Variants in GALNTL6 observed in about 807,000 individuals in gnomAD.
GALNTL6 encodes the protein polypeptide N-acetylgalactosaminyltransferase like 6.
Under a neutral mutation model 73.7 loss-of-function variants are expected in GALNTL6, and 46 were observed. The ratio of observed to expected loss-of-function variants is 0.62; its 90% confidence interval spans 0.49 to 0.80. GALNTL6 has a LOEUF of 0.80. GALNTL6 is among the 30% of genes least tolerant of loss of function. The probability of loss-of-function intolerance (pLI) is 0.00; values close to 1 mark genes in which losing one functional copy is unlikely to be tolerated. For synonymous variants in GALNTL6, 259 were observed against 263.7 expected, an observed-to-expected ratio of 0.98 and a Z score of 0.17; for missense variants, 604 against 755.0, an observed-to-expected ratio of 0.80 and a Z score of 2.34.
rs114057487 is a variant in GALNTL6, at chr4:172,947,530, C to A, written c.1150-4507C>A. On this transcript the variant is annotated intron_variant, in intron 9 of 12. Coordinates refer to ENST00000506823, the MANE Select transcript of GALNTL6 (RefSeq NM_001034845.3). ...CTGATAGTTCAAGAGTAAATGATTA[C>A]ATGTATAGATCTCCCGGCATTCATG... Among the ~76,000 whole-genome samples, 1,034 of 152,240 alleles carry A rather than the reference C, an allele frequency of 6.8e-3. 8 individuals are homozygous for A. Among genetic ancestry groups the A allele is most frequent in the African/African-American group, 0.024 (981 of 41,538 alleles).
chr4:172,871,164 A>G (rs1446297297), intron 7 of GALNTL6, among the ~76,000 whole-genome samples: 1 of 152,186 alleles, frequency 6.6e-6, no homozygotes, highest in Non-Finnish European at 1.5e-5. Flanking sequence ...AAGCCATGCC[A>G]AGGGCCAGGC....
chr4:172,464,195 C>T (rs1412609105), intron 5 of GALNTL6, among the ~76,000 whole-genome samples: 3 of 152,064 alleles, frequency 2.0e-5, no homozygotes, highest in African/African-American at 7.2e-5. Context: ...GCCACTGCAC[C>T]TGGCCCTTTG....
chr4:172,824,200 A>G (rs551503844), intron 7 of GALNTL6, among the ~76,000 whole-genome samples: 17 of 152,310 alleles, frequency 1.1e-4, no homozygotes, highest in African/African-American at 4.1e-4. Flanking sequence ...CAGTATTTAT[A>G]TTTAAAGAAA....
At chr4:172,078,190 G>T (rs12649406) in intron 2 of GALNTL6, among the ~76,000 whole-genome samples, 69,993 of 151,970 alleles carry the variant, frequency 0.46, 16,602 homozygotes, top group Admixed American at 0.49. Context: ...CAGTGCAGAG[G>T]GGAAATGTGG....
intron 5 of GALNTL6, among the ~76,000 whole-genome samples, chr4:172,713,229 T>TGTGTGTGTGC (rs1268857729): frequency 1.6e-5 from 1 of 62,360 alleles, no homozygotes; most frequent in Non-Finnish European, 3.3e-5. Context: ...AAGATGTGTG[T>TGTGTGTGTGC]GTGTGTGTGT....
At chr4:171,816,623 T>C (rs1238424660) in intron 2 of GALNTL6, among the ~76,000 whole-genome samples, 1 of 151,962 alleles carries the variant, frequency 6.6e-6, no homozygotes, top group Non-Finnish European at 1.5e-5. Flanking sequence ...AGCCCCAAAA[T>C]GAATGTCAGT....
At chr4:172,754,085 C>A (rs1421251685) in intron 5 of GALNTL6, among the ~76,000 whole-genome samples, 1 of 152,160 alleles carries the variant, frequency 6.6e-6, no homozygotes, top group Non-Finnish European at 1.5e-5. Flanking sequence ...GTATAGAACT[C>A]TAACATTTCA....
chr4:172,067,159 T>C (rs576550275), intron 2 of GALNTL6, among the ~76,000 whole-genome samples: 21 of 151,938 alleles, frequency 1.4e-4, no homozygotes, highest in Non-Finnish European at 2.4e-4. Context: ...ACATTCTAGA[T>C]CTTTTCATCT....
At chr4:172,448,028 T>C (rs1458604210) in intron 5 of GALNTL6, among the ~76,000 whole-genome samples, 1 of 152,154 alleles carries the variant, frequency 6.6e-6, no homozygotes, top group Non-Finnish European at 1.5e-5. Context: ...AGTTGACTTA[T>C]TTTTTTAATG....
intron 2 of GALNTL6, among the ~76,000 whole-genome samples, chr4:171,971,232 C>T (rs573704338): frequency 1.3e-5 from 2 of 152,268 alleles, no homozygotes; most frequent in Admixed American, 1.3e-4. Flanking sequence ...ATTCCCGATC[C>T]TCCCACTCCC....
chr4:172,060,451 CTA>C (rs894675033), intron 2 of GALNTL6, among the ~76,000 whole-genome samples: 2 of 152,062 alleles, frequency 1.3e-5, no homozygotes, highest in Non-Finnish European at 2.9e-5. Flanking sequence ...TCCTGTTTCT[CTA>C]TTTTTACATA....
chr4:172,481,243 CCCGAGTTGTTCATTCCTCCCGGT>C (rs1733454568), intron 5 of GALNTL6, among the ~76,000 whole-genome samples: 1 of 150,648 alleles, frequency 6.6e-6, no homozygotes, highest in Non-Finnish European at 1.5e-5. Flanking sequence ...TTCCTCCCGA[CCCGAGTTGTTCATTCCTCCCGGT>C]GGGTTTGTGG....
At chr4:171,912,950 T>C (rs916686214) in intron 2 of GALNTL6, among the ~76,000 whole-genome samples, 6 of 152,220 alleles carry the variant, frequency 3.9e-5, no homozygotes, top group Non-Finnish European at 8.8e-5. Context: ...CGTTCATCTA[T>C]TGATGGACGC....
intron 5 of GALNTL6, among the ~76,000 whole-genome samples, chr4:172,770,979 T>C (rs1168540772): frequency 6.6e-6 from 1 of 152,222 alleles, no homozygotes. Flanking sequence ...AATTGAACAC[T>C]ATTTTTGCTG....
At chr4:172,574,648 C>A (rs1335532387) in intron 5 of GALNTL6, among the ~76,000 whole-genome samples, 2 of 151,486 alleles carry the variant, frequency 1.3e-5, no homozygotes, top group African/African-American at 4.8e-5. Context: ...CAACTAATAA[C>A]AATAAATGTT....
At chr4:172,738,358 G>A (rs191287176) in intron 5 of GALNTL6, among the ~76,000 whole-genome samples, 1 of 152,130 alleles carries the variant, frequency 6.6e-6, no homozygotes, top group Admixed American at 6.6e-5. Context: ...TTGAGCTCTG[G>A]GTTGTTGCTG....
At chr4:172,342,064 T>C (rs1741586619) in intron 4 of GALNTL6, among the ~76,000 whole-genome samples, 1 of 152,148 alleles carries the variant, frequency 6.6e-6, no homozygotes, top group African/African-American at 2.4e-5. Flanking sequence ...GATAATATAA[T>C]ATTAGTGGCT....
intron 2 of GALNTL6, among the ~76,000 whole-genome samples, chr4:171,951,278 G>A (rs940313453): frequency 6.6e-6 from 1 of 151,804 alleles, no homozygotes; most frequent in African/African-American, 2.4e-5. Context: ...TACTAGAGAG[G>A]ATAAAATTGA....
At chr4:172,580,370 A>C (rs1737134795) in intron 5 of GALNTL6, among the ~76,000 whole-genome samples, 1 of 152,240 alleles carries the variant, frequency 6.6e-6, no homozygotes, top group African/African-American at 2.4e-5. Context: ...TATGTCAAAA[A>C]GAAGCAAAAC....
Sources: allele counts gnomAD v4.1 joint callset (sites outside exome capture counted in the v4.1 genomes callset), GRCh38; gene constraint gnomAD v4.1.1; transcripts MANE v1.5; gene names NCBI Gene and HGNC (gene_info 2026-07-23, HGNC 2026-07-21).